Variants in RBPJ observed in about 807,000 individuals in gnomAD.
RBPJ encodes the protein recombination signal binding protein for immunoglobulin kappa J region.
A neutral mutation model predicts 67.8 loss-of-function variants in RBPJ; 9 were observed. The ratio of observed to expected loss-of-function variants is 0.13; its 90% CI spans 0.08 to 0.23. The LOEUF is 0.23. RBPJ is among the 10% of genes least tolerant of loss of function. The probability of loss-of-function intolerance (pLI) is 1.00; values close to 1 mark genes in which losing one functional copy is unlikely to be tolerated. For missense variants in RBPJ, 305 were observed against 595.6 expected, an observed-to-expected ratio of 0.51 and a Z score of 5.08; for synonymous variants, 198 against 203.3, an observed-to-expected ratio of 0.97 and a Z score of 0.22.
chr4:26,393,514 A>G (rs1731755681), intron 2 of RBPJ, among the ~76,000 whole-genome samples: 2 of 152,114 alleles, frequency 1.3e-5, no homozygotes, highest in African/African-American at 4.8e-5. Flanking sequence ...AGCAGGGACT[A>G]CAGGTGCACA....
chr4:26,297,355 T>TAC (rs397825308), intron 1 of RBPJ, among the ~76,000 whole-genome samples: 32 of 129,032 alleles, frequency 2.5e-4, no homozygotes, highest in African/African-American at 8.0e-4. Flanking sequence ...TGTGTGTGTG[T>TAC]ACGAGAGAAA....
chr4:26,238,917 C>A (rs1719542814), intron 1 of RBPJ, among the ~76,000 whole-genome samples: 1 of 152,044 alleles, frequency 6.6e-6, no homozygotes, highest in Non-Finnish European at 1.5e-5. Flanking sequence ...GGTGAGAGAG[C>A]CACAGAGATC....
chr4:26,172,973 A>AC (rs1716649416), intron 1 of RBPJ, among the ~76,000 whole-genome samples: 1 of 152,338 alleles, frequency 6.6e-6, no homozygotes, highest in East Asian at 1.9e-4. Flanking sequence ...GCAGTCGTTC[A>AC]CAGGTTAGCA....
intron 3 of RBPJ, among the ~76,000 whole-genome samples, chr4:26,409,458 A>T (rs771589010): frequency 3.3e-4 from 50 of 152,150 alleles, no homozygotes; most frequent in Non-Finnish European, 1.8e-4. Context: ...TGTCAAGTTA[A>T]AATGGAAAAT....
At chr4:26,307,942 G>A (rs965133977) in intron 1 of RBPJ, among the ~76,000 whole-genome samples, 5 of 152,180 alleles carry the variant, frequency 3.3e-5, no homozygotes, top group African/African-American at 4.8e-5. Context: ...GATAATACGA[G>A]TTATAATATC....
chr4:26,352,658 G>T (rs1726933347), intron 1 of RBPJ, among the ~76,000 whole-genome samples: 1 of 152,194 alleles, frequency 6.6e-6, no homozygotes, highest in African/African-American at 2.4e-5. Context: ...AGCCCAGATC[G>T]CACCATTGCA....
In RBPJ at chr4:26,362,414, T is replaced by C. The variant is rs537090047; in HGVS notation, c.21-23939T>C. On this transcript the variant is annotated intron_variant, in intron 1 of 10. Transcript: ENST00000355476. ...CACTAGCAGTTTAACATACCAACAC[T>C]TAAGGCCTTATTTTTTGTTTTTGTT... 13 of 1,358,158 alleles carry C rather than the reference T, an allele frequency of 9.6e-6. No individual in the cohort carries two copies. In the African/African-American group the frequency reaches 1.6e-4, roughly 17 times the overall value. The allele number at this position is 1,358,158 out of a possible 1,614,324, so 84.1% of individuals were successfully genotyped here.
intron 1 of RBPJ, among the ~76,000 whole-genome samples, chr4:26,377,552 G>A (rs530575148): frequency 5.3e-5 from 8 of 152,310 alleles, no homozygotes; most frequent in Non-Finnish European, 1.0e-4. Context: ...GAAGTGAGGC[G>A]TCTGAAGGAG....
At chr4:26,137,086 G>T in the RBPJ span, among the ~76,000 whole-genome samples, 1 of 152,200 alleles carries the variant, frequency 6.6e-6, no homozygotes, top group Non-Finnish European at 1.5e-5. Flanking sequence ...GCTCCACTAG[G>T]TTCCCAGGTG....
chr4:26,226,099 A>G (rs1719065715), intron 1 of RBPJ, among the ~76,000 whole-genome samples: 1 of 151,434 alleles, frequency 6.6e-6, no homozygotes, highest in African/African-American at 2.4e-5. Flanking sequence ...CAGTGAGCCA[A>G]GATCATGCAA....
the RBPJ span, among the ~76,000 whole-genome samples, chr4:26,107,129 G>A: frequency 2.0e-5 from 3 of 152,332 alleles, no homozygotes; most frequent in East Asian, 3.9e-4. Context: ...GGGGTAAGGA[G>A]AGATTCAACT....
At chr4:26,327,443 A>AT (rs1051751975) in intron 1 of RBPJ, among the ~76,000 whole-genome samples, 1 of 151,528 alleles carries the variant, frequency 6.6e-6, no homozygotes, top group Admixed American at 6.6e-5. Flanking sequence ...TAGAAAACAC[A>AT]TTTTTTTAAT....
At chr4:26,244,275 ATG>A (rs1161591860) in intron 1 of RBPJ, among the ~76,000 whole-genome samples, 2 of 1,356 alleles carry the variant, frequency 1.5e-3, no homozygotes, top group Admixed American at 7.1e-3. Context: ...GTACACATAT[ATG>A]TGTGTATATG....
intron 1 of RBPJ, among the ~76,000 whole-genome samples, chr4:26,304,065 C>T (rs1389840929): frequency 6.6e-6 from 1 of 152,202 alleles, no homozygotes; most frequent in Non-Finnish European, 1.5e-5. Context: ...AGCCATTAAT[C>T]TGCTGTCTCT....
intron 1 of RBPJ, among the ~76,000 whole-genome samples, chr4:26,365,118 T>G (rs576606030): frequency 6.6e-6 from 1 of 151,546 alleles, no homozygotes; most frequent in Admixed American, 6.6e-5. Context: ...ATTATATATA[T>G]ACACACAGTG....
At chr4:26,194,399 T>C (rs1203199410) in intron 1 of RBPJ, among the ~76,000 whole-genome samples, 2 of 152,210 alleles carry the variant, frequency 1.3e-5, no homozygotes, top group East Asian at 1.9e-4. Context: ...GGAGCACTGA[T>C]ATAATAACCA....
At chr4:26,362,562 C>G (rs1489830170) in intron 1 of RBPJ, 1 of 1,611,256 alleles carries the variant, frequency 6.2e-7, no homozygotes, top group East Asian at 2.2e-5. Context: ...TTTTGAGGTG[C>G]ATCGAAGTGT....
At chr4:26,267,005 C>T (rs545673076) in intron 1 of RBPJ, among the ~76,000 whole-genome samples, 3 of 152,152 alleles carry the variant, frequency 2.0e-5, no homozygotes, top group Non-Finnish European at 4.4e-5. Context: ...ACTTCCAAAA[C>T]ACAGATAGCC....
At chr4:26,282,587 C>A (rs1010736657) in intron 1 of RBPJ, among the ~76,000 whole-genome samples, 7 of 151,490 alleles carry the variant, frequency 4.6e-5, no homozygotes, top group African/African-American at 1.7e-4. Context: ...ATGGCGCGAT[C>A]TCTGCTCACT....
Sources: allele counts gnomAD v4.1 joint callset (sites outside exome capture counted in the v4.1 genomes callset), GRCh38; gene constraint gnomAD v4.1.1; transcripts MANE v1.5; gene names NCBI Gene and HGNC (gene_info 2026-07-23, HGNC 2026-07-21).